The following MYH14 variants were observed in gnomAD, a reference collection of about 807,000 sequenced individuals.
The protein encoded by MYH14 is myosin-14.
Under a neutral mutation model 255.5 loss-of-function variants are expected in MYH14, and 123 were observed. The observed-to-expected ratio is 0.48, with a 90% confidence interval of 0.42 to 0.56. MYH14 has a LOEUF of 0.56. Among genes scored for constraint, MYH14 ranks in the 20% least tolerant of loss-of-function variants. The pLI is 0.00. For synonymous variants in MYH14, 1,095 were observed against 1,161.2 expected, an observed-to-expected ratio of 0.94 and a Z score of 1.16; for missense variants, 2,423 against 2,802.3, an observed-to-expected ratio of 0.86 and a Z score of 3.06.
chr19:50,242,073 G>A (rs752959342), intron 10 of MYH14, among the ~76,000 whole-genome samples: 1 of 152,118 alleles, frequency 6.6e-6, no homozygotes, highest in Non-Finnish European at 1.5e-5. Flanking sequence ...AATGTCCAGG[G>A]GGCCATTTTT....
rs2032920897 is a variant in MYH14, at chr19:50,223,158, G to C, written c.590+48G>C. On this transcript the variant is annotated intron_variant, in intron 4 of 42. Transcript: ENST00000642316. ...CTGGAGGAGGAGAGGTCTGGGTGGG[G>C]CGTGGCTGTGTTTGGAATGGGCAGG... 3 of 1,611,462 alleles carry C rather than the reference G, an allele frequency of 1.9e-6. No homozygotes were observed. In the African/African-American group the frequency reaches 4.0e-5, roughly 22 times the overall value.
At chr19:50,212,783 T>C (rs2032268115) in intron 2 of MYH14, among the ~76,000 whole-genome samples, 1 of 152,148 alleles carries the variant, frequency 6.6e-6, no homozygotes, top group South Asian at 2.1e-4. Flanking sequence ...TGTCGGACCC[T>C]GCATGGGGTT....
chr19:50,260,746 T>C (rs778809450), intron 20 of MYH14, 31 bp downstream of exon 20: 10 of 1,396,850 alleles, frequency 7.2e-6, no homozygotes, highest in East Asian at 5.1e-5. Context: ...AATGCGTGTG[T>C]GCGTGTGTGT....
chr19:50,304,337 C>A (rs2036587306), intron 40 of MYH14, among the ~76,000 whole-genome samples: 1 of 152,190 alleles, frequency 6.6e-6, no homozygotes, highest in Non-Finnish European at 1.5e-5. Context: ...CGCCTGTAAT[C>A]CCAGCACTTT....
rs1170951869 is a variant in MYH14, at chr19:50,230,204, C to T, written c.875-321C>T. Among the ~76,000 whole-genome samples the T allele has an allele frequency of 2.0e-5, 3 of 152,328 alleles. No homozygotes were observed. The highest frequency in any genetic ancestry group is 2.1e-4 in the South Asian group (1 of 4,822). ...TTGGGATTACAGGCGTGAGCCACTG[C>T]GCCCACAGGGTTGATGAGTTTTTTA... On this transcript the variant is annotated intron_variant, in intron 8 of 42. Transcript: ENST00000642316. The surrounding 1 kb of genome is among the most constrained non-coding windows in gnomAD (Gnocchi z 4.7).
chr19:50,276,767 G>A lies in MYH14; in HGVS notation c.3691G>A (p.Glu1231Lys). 6.2e-7 allele frequency: 1 copy of A among 1,613,442 alleles called. No individual in the cohort carries two copies. Among genetic ancestry groups the A allele is most frequent in the Non-Finnish European group, 8.5e-7 (1 of 1,179,860 alleles). The change falls in exon 29 of 43, where the codon GAA (glutamate) becomes AAA (lysine). Residue 1231 changes from glutamate (E) to lysine (K), a missense_variant. By Grantham distance (56) the Glu-to-Lys change is moderately conservative. This residue lies in a region of MYH14 where 1,513 missense variants were observed against 1,674.8 expected (regional missense o/e 0.90). Transcript: ENST00000642316. This position sits in a 1 kb window ranked among gnomAD's most constrained non-coding sequence, Gnocchi z 4.3. Reference sequence around the variant, plus strand: ...TTTCCCCCAATAAAGGTCCAAGAGGGAACAGGAGGTGACGGAGCTGAAGAA... The same window carrying A: ...TTTCCCCCAATAAAGGTCCAAGAGGAAACAGGAGGTGACGGAGCTGAAGAA... ...NAQQELRSKREQEVTELKKTL... is the reference protein window; with the variant it reads ...NAQQELRSKRKQEVTELKKTL...
chr19:50,240,415 C>A (rs945072504), intron 10 of MYH14, among the ~76,000 whole-genome samples: 2 of 151,858 alleles, frequency 1.3e-5, no homozygotes, highest in African/African-American at 4.8e-5. Flanking sequence ...CCCATCTGGA[C>A]AAAACATTTT....
chr19:50,284,068 G>A (rs190721626), intron 33 of MYH14, among the ~76,000 whole-genome samples: 146 of 147,608 alleles, frequency 9.9e-4, no homozygotes, highest in African/African-American at 3.2e-3. Context: ...GTGAAACTCT[G>A]TCTCAAAAAA....
chr19:50,223,170 T>C, intron 4 of MYH14, 60 bp downstream of exon 4: 2 of 1,609,490 alleles, frequency 1.2e-6, no homozygotes, highest in Non-Finnish European at 1.7e-6. Flanking sequence ...GTGGCTGTGT[T>C]TGGAATGGGC....
intron 23 of MYH14, 146 bp downstream of exon 23, chr19:50,267,154 G>A: frequency 1.2e-6 from 1 of 804,902 alleles, no homozygotes; most frequent in Non-Finnish European, 1.9e-6. Flanking sequence ...CAAAGCTAAG[G>A]TGTACTGAGG....
intron 27 of MYH14, among the ~76,000 whole-genome samples, chr19:50,273,290 C>CAAAAA (rs778739770): frequency 3.8e-5 from 3 of 78,648 alleles, no homozygotes; most frequent in Non-Finnish European, 7.0e-5. Flanking sequence ...GACTATGTCT[C>CAAAAA]AAAAAAAAAA....
chr19:50,273,109 G>A (rs535212300), intron 27 of MYH14, among the ~76,000 whole-genome samples: 3 of 152,024 alleles, frequency 2.0e-5, no homozygotes, highest in African/African-American at 7.2e-5. Context: ...TGGCTAACAT[G>A]GCAAAACCCT....
At chr19:50,278,869 T>A (rs1323972322) in intron 30 of MYH14, among the ~76,000 whole-genome samples, 1 of 148,906 alleles carries the variant, frequency 6.7e-6, no homozygotes, top group Non-Finnish European at 1.5e-5. Flanking sequence ...ATGCCTGTAA[T>A]CCCAGCTACT....
At chr19:50,260,774 T>TGTGC (rs2034803506) in intron 20 of MYH14, 59 bp downstream of exon 20, 1 of 1,235,052 alleles carries the variant, frequency 8.1e-7, no homozygotes, top group Non-Finnish European at 1.1e-6. Context: ...TGCATGAGTG[T>TGTGC]GCGTGCATGT....
chr19:50,257,603 T>G (rs2034641254), intron 18 of MYH14, 117 bp downstream of exon 18: 12 of 1,035,436 alleles, frequency 1.2e-5, no homozygotes, highest in Non-Finnish European at 1.6e-5. Flanking sequence ...TGTGTGGCTT[T>G]GAGCAAATTG....
At chr19:50,259,037 TAGGTGCTCAGTAAATTACATGTGGA>T in intron 18 of MYH14, 82 bp from the exon 19 acceptor site, 2 of 1,422,534 alleles carry the variant, frequency 1.4e-6, no homozygotes, top group Non-Finnish European at 1.9e-6. Flanking sequence ...AGGCACCTAG[TAGGTGCTCAGTAAATTACATGTGGA>T]AACAGGAAAT....
At chr19:50,215,556 A>C (rs1381465261) in intron 2 of MYH14, among the ~76,000 whole-genome samples, 2 of 152,228 alleles carry the variant, frequency 1.3e-5, no homozygotes, top group African/African-American at 4.8e-5. Context: ...ACAGTGGCTC[A>C]TGCCTGTAAT....
chr19:50,243,452 G>A (rs1006054027), intron 10 of MYH14, among the ~76,000 whole-genome samples: 2 of 151,928 alleles, frequency 1.3e-5, no homozygotes, highest in Non-Finnish European at 2.9e-5. Context: ...AAAAAACAAG[G>A]TGACTTATTG....
At position 50,291,535 on chromosome 19, in the gene MYH14, C is replaced by G. The variant is rs2036077276; in HGVS notation, c.5127+487C>G. 1.3e-5 allele frequency among the ~76,000 whole-genome samples: 2 copies of G among 152,098 alleles called. 1 individual carries two copies. The highest frequency in any genetic ancestry group is 1.3e-4 in the Admixed American group (2 of 15,260). On this transcript the variant is annotated intron_variant, in intron 36 of 42. Transcript: ENST00000642316. ...GATCTCTTGGCCTCAAGTGATCCAC[C>G]CGCCCCCATGGTTTTGTTTTTGAAG...
Sources: allele counts gnomAD v4.1 joint callset (sites outside exome capture counted in the v4.1 genomes callset), GRCh38; gene constraint gnomAD v4.1.1; regional missense constraint gnomAD v4.1.1; non-coding constraint Gnocchi (gnomAD v3.1); transcripts MANE v1.5; gene names NCBI Gene and HGNC (gene_info 2026-07-23, HGNC 2026-07-21).